The following TCF12 variants were observed in gnomAD, a reference collection of about 807,000 sequenced individuals.
TCF12 encodes the protein DNA-binding protein HTF4.
TCF12 carries 45 observed loss-of-function variants against 86.0 expected under a neutral mutation model. The observed-to-expected ratio is 0.52, with a 90% CI of 0.41 to 0.67. The LOEUF (loss-of-function observed/expected upper bound fraction) is 0.67. Among genes scored for constraint, TCF12 ranks in the 30% least tolerant of loss-of-function variants. The pLI is 0.00. For synonymous variants in TCF12, 330 were observed against 299.6 expected, an observed-to-expected ratio of 1.10 and a Z score of -1.05; for missense variants, 881 against 859.9, an observed-to-expected ratio of 1.02 and a Z score of -0.31.
intron 5 of TCF12, among the ~76,000 whole-genome samples, chr15:57,114,006 C>G (rs1157349731): frequency 6.6e-6 from 1 of 151,870 alleles, no homozygotes; most frequent in South Asian, 2.1e-4. Flanking sequence ...GGCTTTGGCC[C>G]CAGTCTTGAA....
chr15:57,016,721 C>G (rs1399889481), intron 3 of TCF12, among the ~76,000 whole-genome samples: 1 of 151,868 alleles, frequency 6.6e-6, no homozygotes, highest in African/African-American at 2.4e-5. Context: ...GTTTTACAAG[C>G]AGAAGCACTG....
At chr15:57,230,439 G>C (rs993983274) in intron 8 of TCF12, among the ~76,000 whole-genome samples, 17 of 151,914 alleles carry the variant, frequency 1.1e-4, no homozygotes, top group African/African-American at 3.6e-4. Flanking sequence ...TGCCCATTTA[G>C]TTTTCCAGAG....
At chr15:57,278,615 G>A in intron 19 of TCF12, 1 of 212,804 alleles carries the variant, frequency 4.7e-6, no homozygotes, top group Non-Finnish European at 1.0e-5. Context: ...TTGGAGGGTG[G>A]CACATCTCAC....
At chr15:56,977,596 C>T (rs1246788042) in intron 3 of TCF12, among the ~76,000 whole-genome samples, 1 of 151,852 alleles carries the variant, frequency 6.6e-6, no homozygotes, top group Non-Finnish European at 1.5e-5. Context: ...GACACACACA[C>T]ACAGAGAGGT....
intron 4 of TCF12, among the ~76,000 whole-genome samples, chr15:57,069,828 C>G (rs2069211397): frequency 2.6e-5 from 4 of 152,266 alleles, no homozygotes; most frequent in African/African-American, 9.6e-5. Context: ...AGAAGAGGGT[C>G]TGCAGCTGAT....
chr15:57,020,281 C>T (rs2065398035), intron 3 of TCF12, among the ~76,000 whole-genome samples: 1 of 152,146 alleles, frequency 6.6e-6, no homozygotes, highest in Non-Finnish European at 1.5e-5. Flanking sequence ...GGGATAGGAA[C>T]AGAAGCAAAT....
intron 6 of TCF12, among the ~76,000 whole-genome samples, chr15:57,189,244 T>C (rs559655063): frequency 7.0e-4 from 107 of 152,274 alleles, no homozygotes; most frequent in African/African-American, 2.5e-3. Flanking sequence ...AATATAAAAA[T>C]ACTTCATTAA....
intron 6 of TCF12, among the ~76,000 whole-genome samples, chr15:57,179,515 G>C (rs1343514613): frequency 6.6e-6 from 1 of 152,046 alleles, no homozygotes; most frequent in African/African-American, 2.4e-5. Context: ...GGGCGACACA[G>C]CAAGACTCCA....
chr15:57,063,048 C>G (rs2068585105), intron 3 of TCF12, among the ~76,000 whole-genome samples: 1 of 152,148 alleles, frequency 6.6e-6, no homozygotes, highest in Non-Finnish European at 1.5e-5. Context: ...ATTAAGGATG[C>G]ACAATAAATT....
At chr15:57,145,792 T>A (rs935798215) in intron 5 of TCF12, among the ~76,000 whole-genome samples, 8 of 152,128 alleles carry the variant, frequency 5.3e-5, no homozygotes, top group Admixed American at 3.3e-4. Flanking sequence ...TGCCCAAAGG[T>A]CAGTCAGCCT....
rs146249474 is a variant in TCF12 at position 57,141,119 on chromosome 15, C to T, written c.326-25283C>T. Among the ~76,000 whole-genome samples, 1,200 of 152,296 alleles carry T rather than the reference C, an allele frequency of 7.9e-3. 31 individuals carry two copies. Among genetic ancestry groups the T allele is most frequent in the Non-Finnish European group, 6.2e-3 (420 of 68,022 alleles). ...CAGCCGGTCCTTCAGATATTTAAAT[C>T]AGGCTATCACCCTTTTTCTCCAGAA... On this transcript the variant is annotated intron_variant, in intron 5 of 20. Transcript: ENST00000333725.
At chr15:57,139,289 T>C (rs2052781257) in intron 5 of TCF12, among the ~76,000 whole-genome samples, 1 of 152,202 alleles carries the variant, frequency 6.6e-6, no homozygotes, top group Non-Finnish European at 1.5e-5. Flanking sequence ...TGATGGTCTT[T>C]TATAATCCGT....
chr15:56,941,600 C>G (rs2060780446), intron 3 of TCF12, among the ~76,000 whole-genome samples: 1 of 151,860 alleles, frequency 6.6e-6, no homozygotes, highest in Non-Finnish European at 1.5e-5. Context: ...GTCTTTAACT[C>G]CTGACCTCAG....
chr15:57,206,672 C>G (rs2151794822), intron 8 of TCF12, among the ~76,000 whole-genome samples: 1 of 147,270 alleles, frequency 6.8e-6, no homozygotes, highest in South Asian at 2.2e-4. Flanking sequence ...ACTGCATCCT[C>G]CACCTCCTGT....
At chr15:57,027,322 G>A (rs904755333) in intron 3 of TCF12, among the ~76,000 whole-genome samples, 1 of 152,260 alleles carries the variant, frequency 6.6e-6, no homozygotes, top group East Asian at 1.9e-4. Context: ...TAATGAAATT[G>A]TACAGGATAA....
chr15:57,040,101 ACTC>A (rs1256878611), intron 3 of TCF12, among the ~76,000 whole-genome samples: 2 of 151,938 alleles, frequency 1.3e-5, no homozygotes, highest in African/African-American at 4.8e-5. Flanking sequence ...TAATATTCAA[ACTC>A]CTCTTCAGGA....
chr15:57,017,923 G>T (rs949967407), intron 3 of TCF12, among the ~76,000 whole-genome samples: 1 of 152,068 alleles, frequency 6.6e-6, no homozygotes, highest in Admixed American at 6.5e-5. Flanking sequence ...AAGAAGGCAA[G>T]GGACACCAGA....
At position 57,282,505 on chromosome 15, in the gene TCF12, C is replaced by T; in HGVS notation, c.2039C>T (p.Ala680Val). The T allele has an allele frequency of 6.2e-7, 1 of 1,614,216 alleles. No homozygotes were observed. Among genetic ancestry groups the T allele is most frequent in the Non-Finnish European group, 8.5e-7 (1 of 1,180,048 alleles). ...AGAAGGGAAGAAGAAAAAGTTTCTG[C>T]CGTATCGGCAGAGCCGCCAACCACA... ...LKRREEEKVS[A>V]VSAEPPTTLP... Residue 680 changes from alanine to valine, a missense_variant, in exon 20 of 21, where the codon GCC (alanine) becomes GTC (valine). This residue lies in a region of TCF12 where 69 missense variants were observed against 64.2 expected (regional missense o/e 1.07). Coordinates refer to ENST00000333725, the MANE Select transcript of TCF12 (RefSeq NM_207037.2).
intron 6 of TCF12, among the ~76,000 whole-genome samples, chr15:57,183,361 A>G (rs1838319063): frequency 6.6e-6 from 1 of 152,178 alleles, no homozygotes; most frequent in Admixed American, 6.5e-5. Context: ...ATTTGAGAAT[A>G]AGTTGACATT....
Sources: gnomAD v4.1 joint callset for allele counts (sites outside exome capture counted in the v4.1 genomes callset) on GRCh38, gnomAD v4.1.1 for gene constraint, gnomAD v4.1.1 regional missense constraint, MANE v1.5 for transcripts, NCBI Gene and HGNC (gene_info 2026-07-23, HGNC 2026-07-21) for gene names.